RSPH1: variants seen among roughly 807,000 people sequenced by gnomAD.
The protein encoded by RSPH1 is radial spoke head 1 homolog.
A neutral mutation model predicts 44.2 loss-of-function variants in RSPH1; 32 were observed. The observed-to-expected ratio is 0.72, with a 90% CI of 0.55 to 0.97. The LOEUF (loss-of-function observed/expected upper bound fraction) is 0.97, where lower values mean the gene tolerates loss of function less well. RSPH1 is among the 50% of genes least tolerant of loss of function. The probability of loss-of-function intolerance (pLI) is 0.00; values close to 1 mark genes in which losing one functional copy is unlikely to be tolerated. For synonymous variants in RSPH1, 134 were observed against 147.3 expected (o/e 0.91, Z 0.65); for missense variants, 391 against 398.7 (o/e 0.98, Z 0.16).
At chr21:42,481,171 C>A (rs1001338730) in intron 6 of RSPH1, among the ~76,000 whole-genome samples, 5 of 152,016 alleles carry the variant, frequency 3.3e-5, no homozygotes, top group African/African-American at 1.2e-4. Flanking sequence ...TGAGTTCTTG[C>A]TCTATTAGTT....
rs146275645 is a variant in RSPH1 at position 42,495,858 on chromosome 21, C to T, written c.54+275G>A. On this transcript the variant is annotated intron_variant, in intron 1 of 8. Coordinates refer to ENST00000291536, the MANE Select transcript of RSPH1 (RefSeq NM_080860.4). ...GGAGGAGGAAACTTCCAAAGCCTTCCGCTGGGAAATCTTTGCCTTTAATGG... is the reference window on the plus strand; with the variant it reads ...GGAGGAGGAAACTTCCAAAGCCTTCTGCTGGGAAATCTTTGCCTTTAATGG... 30 of 481,670 alleles carry T rather than the reference C, an allele frequency of 6.2e-5. 2 individuals carry two copies. The highest frequency in any genetic ancestry group is 1.0e-4 in the East Asian group (3 of 29,096). 29.8% of individuals were successfully genotyped at this position (481,670 alleles called of 1,614,324 possible).
At chr21:42,477,558 A>T in intron 6 of RSPH1, 114 bp from the exon 7 acceptor site, 2 of 1,087,302 alleles carry the variant, frequency 1.8e-6, no homozygotes, top group Non-Finnish European at 2.7e-6. Flanking sequence ...CTTGTGTTTC[A>T]GCCTTTTTAG....
intron 8 of RSPH1, among the ~76,000 whole-genome samples, chr21:42,473,703 T>G (rs183392588): frequency 6.6e-6 from 1 of 152,320 alleles, no homozygotes; most frequent in Non-Finnish European, 1.5e-5. Flanking sequence ...TTGATAAATG[T>G]TCTGCCGACT....
At chr21:42,490,564 A>G (rs2054226214) in intron 3 of RSPH1, among the ~76,000 whole-genome samples, 1 of 152,148 alleles carries the variant, frequency 6.6e-6, no homozygotes, top group South Asian at 2.1e-4. Context: ...TAAATCTTGC[A>G]CCCTTTAAGA....
At chr21:42,483,618 T>C (rs1264880969) in intron 5 of RSPH1, among the ~76,000 whole-genome samples, 1 of 152,182 alleles carries the variant, frequency 6.6e-6, no homozygotes, top group Non-Finnish European at 1.5e-5. Context: ...TCTCCCCATT[T>C]AACAGTCATC....
At chr21:42,475,550 A>T (rs1289717296) in intron 8 of RSPH1, among the ~76,000 whole-genome samples, 6 of 147,750 alleles carry the variant, frequency 4.1e-5, no homozygotes, top group Non-Finnish European at 9.0e-5. Context: ...CCTGGGTGAC[A>T]TAGCAAGACT....
chr21:42,495,963 T>C, intron 1 of RSPH1, 170 bp downstream of exon 1: 2 of 659,046 alleles, frequency 3.0e-6, no homozygotes, highest in South Asian at 3.6e-5. Context: ...CACCATCAAC[T>C]TCCAGGACGC....
intron 7 of RSPH1, among the ~76,000 whole-genome samples, chr21:42,476,861 A>G (rs566693504): frequency 1.3e-4 from 20 of 152,106 alleles, no homozygotes; most frequent in African/African-American, 2.9e-4. Context: ...CATCCCGCAC[A>G]CTCAACTGAC....
rs575516628 is a variant in RSPH1 at position 42,482,286 on chromosome 21, G to A, written c.573+351C>T. Among the ~76,000 whole-genome samples, 31 of 152,242 alleles carry A rather than the reference G, an allele frequency of 2.0e-4. No homozygotes were observed. In the South Asian group the frequency reaches 5.8e-3, roughly 29 times the overall value. The stretch of plus-strand genomic sequence containing the variant: ...TTTAGCGGAGACAGGGATTCATCAC[G>A]TTGGCCAGTCTGGTCTCAAACTCCT... On this transcript the variant is annotated intron_variant, in intron 6 of 8. Transcript: ENST00000291536.
At chr21:42,489,954 A>G (rs1287911625) in intron 3 of RSPH1, among the ~76,000 whole-genome samples, 1 of 152,142 alleles carries the variant, frequency 6.6e-6, no homozygotes, top group Non-Finnish European at 1.5e-5. Flanking sequence ...TGTCATTCTT[A>G]AACTTCTTTG....
intron 8 of RSPH1, among the ~76,000 whole-genome samples, chr21:42,473,541 T>C (rs902245202): frequency 2.7e-5 from 4 of 150,080 alleles, no homozygotes; most frequent in African/African-American, 4.9e-5. Context: ...TAAGACGCTA[T>C]ATTTAAATGT....
chr21:42,495,478 C>G (rs2146668080), intron 1 of RSPH1, among the ~76,000 whole-genome samples: 1 of 152,338 alleles, frequency 6.6e-6, no homozygotes, highest in South Asian at 2.1e-4. Flanking sequence ...AGGAACTACT[C>G]TCTGGGTGAT....
At chr21:42,483,085 T>C (rs2054145287) in intron 5 of RSPH1, among the ~76,000 whole-genome samples, 1 of 152,194 alleles carries the variant, frequency 6.6e-6, no homozygotes, top group African/African-American at 2.4e-5. Context: ...ACATACTAAC[T>C]CATACTCTAT....
At chr21:42,490,115 A>T (rs1433561531) in intron 3 of RSPH1, among the ~76,000 whole-genome samples, 1 of 78,614 alleles carries the variant, frequency 1.3e-5, no homozygotes, top group Admixed American at 1.5e-4. Flanking sequence ...TCTGGCACCC[A>T]CCCTCCCCTC....
chr21:42,492,814 C>A lies in RSPH1; in HGVS notation c.218G>T (p.Arg73Ile). 2 of 1,613,666 alleles carry A rather than the reference C, an allele frequency of 1.2e-6. No individual in the cohort carries two copies. The highest frequency in any genetic ancestry group is 1.7e-6 in the Non-Finnish European group (2 of 1,179,564). ...NGARYIGEYV[R>I]NKKHGQGTFI... The stretch of plus-strand genomic sequence containing the variant: ...AGTGCCTTGACCGTGCTTTTTATTT[C>A]TAACATATTCTCCGATATATCGAGC... Residue 73 changes from arginine (R) to isoleucine (I), a missense_variant, in exon 3 of 9, where the codon AGA (arginine) becomes ATA (isoleucine). Coordinates refer to ENST00000291536, the MANE Select transcript of RSPH1 (RefSeq NM_080860.4).
chr21:42,490,955 T>C (rs1054245387), intron 3 of RSPH1, among the ~76,000 whole-genome samples: 2 of 152,238 alleles, frequency 1.3e-5, no homozygotes, highest in African/African-American at 4.8e-5. Flanking sequence ...ACATATCATG[T>C]GCCAGGAGGG....
chr21:42,473,922 G>A (rs545934635), intron 8 of RSPH1, among the ~76,000 whole-genome samples: 1 of 152,270 alleles, frequency 6.6e-6, no homozygotes, highest in African/African-American at 2.4e-5. Flanking sequence ...AAACCACTGA[G>A]TTAAGGGGGT....
At position 42,475,958 on chromosome 21, in the gene RSPH1, C is replaced by T. The variant is rs374702500; in HGVS notation, c.817G>A (p.Val273Ile). ...DMRPGDEDADVLREESREYDQ... is the reference protein window; with the variant it reads ...DMRPGDEDADILREESREYDQ... The stretch of plus-strand genomic sequence containing the variant: ...TACTCCCGGCTCTCTTCCCGGAGGA[C>T]GTCTGCATCTTCATCTCCAGGCCTC... The change falls in exon 8 of 9, where the codon GTC becomes ATC. Residue 273 changes from valine to isoleucine, a missense_variant. By Grantham distance (29) the Val-to-Ile change is conservative. Coordinates refer to ENST00000291536, the MANE Select transcript of RSPH1 (RefSeq NM_080860.4). 3.6e-5 allele frequency: 58 copies of T among 1,612,172 alleles called. No individual in the cohort carries two copies. In the African/African-American group the frequency reaches 4.6e-4, roughly 13 times the overall value.
In RSPH1 at chr21:42,474,972, G is replaced by C. The variant is rs2054029658; in HGVS notation, c.877+926C>G. 6.6e-6 allele frequency among the ~76,000 whole-genome samples: 1 copy of C among 152,206 alleles called. No homozygotes were observed. The highest frequency in any genetic ancestry group is 2.1e-4 in the South Asian group (1 of 4,834). The stretch of plus-strand genomic sequence containing the variant: ...AGTGGAATGGGACTGCAGACCCCGT[G>C]CCTGAGGCCGCCGTGCCCAGGCTGT... On this transcript the variant is annotated intron_variant, in intron 8 of 8. Transcript: ENST00000291536. The surrounding 1 kb of genome is among the most constrained non-coding windows in gnomAD (Gnocchi z 5.2).
Sources: gnomAD v4.1 joint callset for allele counts (sites outside exome capture counted in the v4.1 genomes callset) on GRCh38, gnomAD v4.1.1 for gene constraint, Gnocchi (gnomAD v3.1) non-coding constraint, MANE v1.5 for transcripts, NCBI Gene and HGNC (gene_info 2026-07-23, HGNC 2026-07-21) for gene names.